Variants in ZCRB1 observed in about 807,000 individuals in gnomAD.
ZCRB1 encodes the protein zinc finger CCHC-type and RNA binding motif containing 1, also known as zinc finger CCHC-type and RNA-binding motif-containing protein 1.
ZCRB1 carries 21 observed loss-of-function variants against 29.9 expected under a neutral mutation model. The ratio of observed to expected loss-of-function variants is 0.70; its 90% CI spans 0.50 to 1.01. The LOEUF (loss-of-function observed/expected upper bound fraction) is 1.01. ZCRB1 is among the 50% of genes least tolerant of loss of function. The pLI, the probability that ZCRB1 is intolerant of heterozygous loss-of-function variation, is 0.00. For synonymous variants in ZCRB1, 77 were observed against 80.0 expected (o/e 0.96, Z 0.20); for missense variants, 204 against 253.3 (o/e 0.81, Z 1.32).
chr12:42,314,094 A>G, intron 5 of ZCRB1, 108 bp from the exon 6 acceptor site: 1 of 1,109,708 alleles, frequency 9.0e-7, no homozygotes, highest in Non-Finnish European at 1.3e-6. Context: ...AAAAAGGAAT[A>G]TTCCCATACT....
chr12:42,322,717 C>T (rs2068627930), intron 2 of ZCRB1, among the ~76,000 whole-genome samples: 2 of 152,106 alleles, frequency 1.3e-5, no homozygotes. Flanking sequence ...AGATCTAAGG[C>T]ATACATACTG....
intron 3 of ZCRB1, among the ~76,000 whole-genome samples, chr12:42,321,605 C>T (rs1260384109): frequency 3.3e-5 from 5 of 152,064 alleles, no homozygotes; most frequent in Admixed American, 1.3e-4. Context: ...TTTGATAATG[C>T]TTTTTTAATA....
intron 3 of ZCRB1, among the ~76,000 whole-genome samples, chr12:42,318,757 T>TGA (rs1313442816): frequency 1.3e-4 from 19 of 150,020 alleles, no homozygotes; most frequent in Middle Eastern, 3.4e-3. Context: ...CGTGAGCGAG[T>TGA]GAGAGAGAGA....
At chr12:42,324,884 G>T (rs998729901) in intron 1 of ZCRB1, among the ~76,000 whole-genome samples, 1 of 152,188 alleles carries the variant, frequency 6.6e-6, no homozygotes, top group Non-Finnish European at 1.5e-5. Context: ...AAGAGCATGG[G>T]GACTCAGACA....
rs751800756 is a variant in ZCRB1, at chr12:42,312,396, A to G, written c.*671T>C. 4 of 152,326 alleles carry G rather than the reference A, an allele frequency of 2.6e-5. No homozygotes were observed. Among genetic ancestry groups the G allele is most frequent in the Middle Eastern group, 3.4e-3 (1 of 294 alleles). The allele number at this position is 152,326 out of a possible 1,614,324, so 9.4% of individuals were successfully genotyped here. ...AGCATATTCCTTGGCTCAGAAATGAAAAGTATTTACTTGGTTATTAAAAAA... is the reference window on the plus strand; with the variant it reads ...AGCATATTCCTTGGCTCAGAAATGAGAAGTATTTACTTGGTTATTAAAAAA... On this transcript the variant is annotated 3_prime_UTR_variant, in exon 8 of 8. Transcript: ENST00000266529.
At chr12:42,320,566 G>A (rs1209012638) in intron 3 of ZCRB1, among the ~76,000 whole-genome samples, 1 of 151,876 alleles carries the variant, frequency 6.6e-6, no homozygotes, top group African/African-American at 2.4e-5. Context: ...CTCATGCCTC[G>A]CCTCCCAAGC....
intron 5 of ZCRB1, among the ~76,000 whole-genome samples, chr12:42,316,249 C>T (rs1036736222): frequency 2.9e-4 from 44 of 152,206 alleles, no homozygotes; most frequent in Middle Eastern, 3.4e-3. Flanking sequence ...CACCTGCCAC[C>T]ATGCCTGGCT....
At chr12:42,323,137 T>C (rs1048206684) in intron 2 of ZCRB1, among the ~76,000 whole-genome samples, 1 of 152,204 alleles carries the variant, frequency 6.6e-6, no homozygotes, top group Non-Finnish European at 1.5e-5. Context: ...TTAGAATGTG[T>C]TAGTATATGC....
chr12:42,322,743 C>T (rs1048427708), intron 2 of ZCRB1, among the ~76,000 whole-genome samples: 5 of 152,160 alleles, frequency 3.3e-5, no homozygotes, highest in African/African-American at 1.2e-4. Context: ...CTGCTGTGTT[C>T]CTGAGGTATA....
In ZCRB1 at chr12:42,317,320, T is replaced by A. The variant is rs2068599561; in HGVS notation, c.333+20A>T. On this transcript the variant is annotated intron_variant, in intron 5 of 7. Coordinates refer to ENST00000266529, the MANE Select transcript of ZCRB1 (RefSeq NM_033114.4). Reference sequence around the variant, plus strand: ...TATCTTAAACTATGGAAAGTTCCATTAAGTTTTAGGTTTACTTACCCCACA... The same window carrying A: ...TATCTTAAACTATGGAAAGTTCCATAAAGTTTTAGGTTTACTTACCCCACA... 1 of 1,549,490 alleles carries A rather than the reference T, an allele frequency of 6.5e-7. No individual in the cohort carries two copies. The highest frequency in any genetic ancestry group is 1.4e-5 in the African/African-American group (1 of 72,482).
intron 7 of ZCRB1, 22 bp downstream of exon 7, chr12:42,313,668 T>A: frequency 6.2e-7 from 1 of 1,610,240 alleles, no homozygotes; most frequent in Non-Finnish European, 8.5e-7. Context: ...GTATGATGCC[T>A]TTTAAAAGAA....
intron 5 of ZCRB1, 76 bp downstream of exon 5, chr12:42,317,264 G>A: frequency 9.6e-6 from 10 of 1,039,400 alleles, no homozygotes; most frequent in Non-Finnish European, 1.4e-5. Flanking sequence ...AGAAGTTTTG[G>A]TGAGCAAAAA....
chr12:42,317,534 C>T (rs1255700089), intron 4 of ZCRB1, 87 bp from the exon 5 acceptor site: 2 of 1,186,258 alleles, frequency 1.7e-6, no homozygotes, highest in Non-Finnish European at 2.3e-6. Flanking sequence ...ATCTTCAATT[C>T]CAGTTTATTT....
chr12:42,313,593 A>C, intron 7 of ZCRB1, 97 bp downstream of exon 7: 1 of 1,313,514 alleles, frequency 7.6e-7, no homozygotes, highest in Non-Finnish European at 1.1e-6. Flanking sequence ...GGTTAGGGGG[A>C]AAAAGAGAGG....
chr12:42,325,024 G>A (rs547697682), intron 1 of ZCRB1, among the ~76,000 whole-genome samples: 1 of 152,322 alleles, frequency 6.6e-6, no homozygotes, highest in East Asian at 1.9e-4. Flanking sequence ...AGATGGTCTA[G>A]CCTATTGCTC....
chr12:42,316,176 C>A (rs1456307982), intron 5 of ZCRB1, among the ~76,000 whole-genome samples: 4 of 152,214 alleles, frequency 2.6e-5, no homozygotes, highest in Admixed American at 2.0e-4. Context: ...CTCACTGCAA[C>A]CTCCACCTCC....
intron 7 of ZCRB1, 119 bp from the exon 8 acceptor site, chr12:42,313,317 T>A: frequency 9.1e-7 from 1 of 1,104,482 alleles, no homozygotes; most frequent in Non-Finnish European, 1.2e-6. Flanking sequence ...TCCCAGTCCA[T>A]GCAGACAATA....
chr12:42,320,237 T>TA (rs2068614811), intron 3 of ZCRB1, among the ~76,000 whole-genome samples: 1 of 152,198 alleles, frequency 6.6e-6, no homozygotes, highest in East Asian at 1.9e-4. Flanking sequence ...GTTCACAAAG[T>TA]CCTTATACGC....
chr12:42,317,380 C>T lies in ZCRB1; in HGVS notation c.293G>A (p.Arg98Lys). 1.2e-6 allele frequency: 2 copies of T among 1,612,958 alleles called. No individual in the cohort carries two copies. ...CTTAGATTTATCAAAGTAGTTTCGC[C>T]TTCGGATGAACTCAGCTGCTCTTCC... ...DNGRAAEFIR[R>K]RNYFDKSKCY... Residue 98 changes from arginine to lysine, a missense_variant, in exon 5 of 8, where the codon AGG becomes AAG. By Grantham distance (26) the Arg-to-Lys change is conservative. Transcript: ENST00000266529.
Sources: allele counts gnomAD v4.1 joint callset (sites outside exome capture counted in the v4.1 genomes callset), GRCh38; gene constraint gnomAD v4.1.1; transcripts MANE v1.5; gene names NCBI Gene and HGNC (gene_info 2026-07-23, HGNC 2026-07-21).